Variants in SLC9A1 observed in about 807,000 individuals in gnomAD.
SLC9A1 encodes sodium/hydrogen exchanger 1.
Under a neutral mutation model 67.9 loss-of-function variants are expected in SLC9A1, and 22 were observed. That is an observed-to-expected ratio of 0.32 (90% CI 0.23 to 0.46). The LOEUF is 0.46. Among genes scored for constraint, SLC9A1 ranks in the 20% least tolerant of loss-of-function variants. SLC9A1 has a pLI of 1.00. For missense variants in SLC9A1, 686 were observed against 1,094.8 expected, an observed-to-expected ratio of 0.63 and a Z score of 5.27; for synonymous variants, 421 against 471.8, an observed-to-expected ratio of 0.89 and a Z score of 1.40.
intron 1 of SLC9A1, among the ~76,000 whole-genome samples, chr1:27,127,675 G>A (rs1051814527): frequency 6.6e-6 from 1 of 152,168 alleles, no homozygotes; most frequent in African/African-American, 2.4e-5. Flanking sequence ...GGGAGACAGC[G>A]CTGGCCACCC....
Position 27,137,744 on chromosome 1 carries a change from G to A in SLC9A1, c.352+16239C>T, listed in dbSNP as rs188418083. Reference sequence around the variant, plus strand: ...CAATGCCACGCCTCCCACATGACAGGTCTGGTGACTGTTTGCCTGCAGGCG... The same window carrying A: ...CAATGCCACGCCTCCCACATGACAGATCTGGTGACTGTTTGCCTGCAGGCG... On this transcript the variant is annotated intron_variant, in intron 1 of 11. Coordinates refer to ENST00000263980, the MANE Select transcript of SLC9A1 (RefSeq NM_003047.5). This position sits in a 1 kb window ranked among gnomAD's most constrained non-coding sequence, Gnocchi z 4.6. Among the ~76,000 whole-genome samples, 1 of 152,308 alleles carries A rather than the reference G, an allele frequency of 6.6e-6. No homozygotes were observed. Among genetic ancestry groups the A allele is most frequent in the Non-Finnish European group, 1.5e-5 (1 of 68,024 alleles).
At chr1:27,104,167 C>T (rs1307793989) in intron 5 of SLC9A1, 1 of 151,180 alleles carries the variant, frequency 6.6e-6, no homozygotes. Flanking sequence ...CTGCAACCTC[C>T]ACCTCCCGGG....
intron 2 of SLC9A1, among the ~76,000 whole-genome samples, chr1:27,112,623 C>T (rs772087724): frequency 2.1e-4 from 32 of 152,300 alleles, no homozygotes; most frequent in African/African-American, 5.5e-4. Flanking sequence ...GTGGCTCATG[C>T]CTGTAATCCC....
At chr1:27,140,691 C>T (rs2083448159) in intron 1 of SLC9A1, among the ~76,000 whole-genome samples, 1 of 152,194 alleles carries the variant, frequency 6.6e-6, no homozygotes, top group Non-Finnish European at 1.5e-5. Flanking sequence ...TTAAAACCAT[C>T]ATCTGTTCTG....
chr1:27,154,224 G>C lies in SLC9A1; in HGVS notation c.111C>G (p.Leu37=). The change falls in exon 1 of 12, where the codon CTC becomes CTG. Residue 37 remains leucine, a synonymous_variant. Transcript: ENST00000263980. ...TGGTGCTGGCAGTTGGGCTGAGCTGGAGGCCATGGCTCCTGAGAACAGGCA... is the reference window on the plus strand; with the variant it reads ...TGGTGCTGGCAGTTGGGCTGAGCTGCAGGCCATGGCTCCTGAGAACAGGCA... ...GLLPVLRSHG[L]QLSPTASTIR... is the part of the protein sequence containing the mutation. 1 of 1,614,096 alleles carries C rather than the reference G, an allele frequency of 6.2e-7. No individual in the cohort carries two copies. The highest frequency in any genetic ancestry group is 8.5e-7 in the Non-Finnish European group (1 of 1,179,982).
chr1:27,134,856 C>G (rs893621032), intron 1 of SLC9A1, among the ~76,000 whole-genome samples: 3 of 151,936 alleles, frequency 2.0e-5, no homozygotes, highest in African/African-American at 2.4e-5. Context: ...CCCACCTTGG[C>G]CTCCCAAGTA....
intron 1 of SLC9A1, 106 bp downstream of exon 1, chr1:27,153,877 G>A: frequency 1.4e-6 from 1 of 718,624 alleles, no homozygotes; most frequent in South Asian, 2.0e-5. Flanking sequence ...CTACTTTATG[G>A]GGGTAGTTCA....
rs938503174 is a variant in SLC9A1, at chr1:27,125,465, C to T, written c.353-11179G>A. Among the ~76,000 whole-genome samples the T allele has an allele frequency of 5.3e-5, 8 of 151,990 alleles. No individual in the cohort carries two copies. The East Asian group carries it at 7.7e-4, about 15-fold the overall frequency. ...TTCACCATGTTGGTGAGGCTGGTGT[C>T]GAACCCCTGGCCTCAAGTGATCTGC... On this transcript the variant is annotated intron_variant, in intron 1 of 11. Transcript: ENST00000263980.
In SLC9A1 at chr1:27,101,106, G is replaced by T; in HGVS notation, c.2110+97C>A. The T allele has an allele frequency of 1.1e-6, 1 of 935,338 alleles. No homozygotes were observed. 57.9% of individuals were successfully genotyped at this position (935,338 alleles called of 1,614,324 possible). On this transcript the variant is annotated intron_variant, in intron 11 of 11. Transcript: ENST00000263980. This position sits in a 1 kb window ranked among gnomAD's most constrained non-coding sequence, Gnocchi z 4.9. Reference sequence around the variant, plus strand: ...CCTGAGGTCAGCGAGGGCCAGGCCTGTCCTCCCAGTGGCTGAGGACTGTTC... The same window carrying T: ...CCTGAGGTCAGCGAGGGCCAGGCCTTTCCTCCCAGTGGCTGAGGACTGTTC...
chr1:27,117,663 C>G (rs1286817560), intron 1 of SLC9A1, among the ~76,000 whole-genome samples: 1 of 152,140 alleles, frequency 6.6e-6, no homozygotes, highest in Non-Finnish European at 1.5e-5. Context: ...GTGCTGGGAG[C>G]CTGGCACGCA....
At position 27,099,236 on chromosome 1, in the gene SLC9A1, C is replaced by T. The variant is rs985522053; in HGVS notation, c.*1071G>A. 13 of 153,178 alleles carry T rather than the reference C, an allele frequency of 8.5e-5. No homozygotes were observed. Among genetic ancestry groups the T allele is most frequent in the Non-Finnish European group, 1.9e-4 (13 of 68,602 alleles). The allele number at this position is 153,178 out of a possible 1,614,324, so 9.5% of individuals were successfully genotyped here. On this transcript the variant is annotated 3_prime_UTR_variant, in exon 12 of 12. Transcript: ENST00000263980. The stretch of plus-strand genomic sequence containing the variant: ...CAAGGGAAAGGTTCCAGGGGCCAAA[C>T]CCAGGGTGGGGGAAGTAAGAGCAGG...
chr1:27,139,445 AC>A (rs2083439851), intron 1 of SLC9A1, among the ~76,000 whole-genome samples: 1 of 152,174 alleles, frequency 6.6e-6, no homozygotes, highest in Non-Finnish European at 1.5e-5. Context: ...CATGACTCGC[AC>A]CCTTCGGGGC....
rs778829058 is a variant in SLC9A1, at chr1:27,113,993, C to T, written c.646G>A (p.Gly216Ser). Reference protein sequence around the residue: ...GLMYAVCLVGGEQINNIGLLD... With the variant: ...GLMYAVCLVGSEQINNIGLLD... ...AGGCCGATGTTGTTGATCTGCTCAC[C>T]GCCCACCAGGCACACGGCGTACATG... The change falls in exon 2 of 12, where the codon GGT becomes AGT. Residue 216 changes from glycine (G) to serine (S), a missense_variant. Transcript: ENST00000263980. The T allele has an allele frequency of 1.4e-5, 23 of 1,614,060 alleles. No homozygotes were observed. The highest frequency in any genetic ancestry group is 4.0e-5 in the African/African-American group (3 of 74,934).
intron 1 of SLC9A1, among the ~76,000 whole-genome samples, chr1:27,131,947 A>AAAAAAAAATATATATAT: frequency 4.0e-4 from 21 of 52,114 alleles, no homozygotes; most frequent in African/African-American, 1.2e-3. Context: ...AGAAAAAAAA[A>AAAAAAAAATATATATAT]ATATATATAT....
chr1:27,100,028 G>C lies in SLC9A1; in HGVS notation c.*279C>G. ...AGGAGCCTCCGAGGCCCTAGTCCAG[G>C]TCCGGGAGAAGCCTGGATCTAGGGA... On this transcript the variant is annotated 3_prime_UTR_variant, in exon 12 of 12. Coordinates refer to ENST00000263980, the MANE Select transcript of SLC9A1 (RefSeq NM_003047.5). This position sits in a 1 kb window ranked among gnomAD's most constrained non-coding sequence, Gnocchi z 5.6. 2.5e-6 allele frequency: 1 copy of C among 401,728 alleles called. No homozygotes were observed. Among genetic ancestry groups the C allele is most frequent in the Non-Finnish European group, 4.4e-6 (1 of 226,172 alleles). The allele number at this position is 401,728 out of a possible 1,614,324, so 24.9% of individuals were successfully genotyped here.
Position 27,107,763 on chromosome 1 carries a change from G to A in SLC9A1, c.1167C>T (p.Val389=), listed in dbSNP as rs1225769504. 1 of 1,602,884 alleles carries A rather than the reference G, an allele frequency of 6.2e-7. No individual in the cohort carries two copies. Among genetic ancestry groups the A allele is most frequent in the South Asian group, 1.1e-5 (1 of 88,552 alleles). The change falls in exon 4 of 12, where the codon GTC becomes GTT. Residue 389 remains valine (V), a synonymous_variant. Coordinates refer to ENST00000263980, the MANE Select transcript of SLC9A1 (RefSeq NM_003047.5). ...GGAAGATGAAGATGAGGGTCTCGCT[G>A]ACGCTGCTCCACATCTTCAGGAAGT... ...IKYFLKMWSS[V]SETLIFIFLG... is the part of the protein sequence containing the mutation.
At position 27,110,577 on chromosome 1, in the gene SLC9A1, C is replaced by T. The variant is rs140056349; in HGVS notation, c.814-800G>A. 1.4e-3 allele frequency among the ~76,000 whole-genome samples: 216 copies of T among 152,292 alleles called. 1 individual carries two copies. The highest frequency in any genetic ancestry group is 4.8e-3 in the African/African-American group (199 of 41,550). ...GTGGCACTTCATACACTGTAAAGCC[C>T]TTTGATAGTCTTTATCTGAGTCGAC... On this transcript the variant is annotated intron_variant, in intron 2 of 11. Coordinates refer to ENST00000263980, the MANE Select transcript of SLC9A1 (RefSeq NM_003047.5).
intron 1 of SLC9A1, among the ~76,000 whole-genome samples, chr1:27,136,444 C>A (rs1003524339): frequency 1.3e-5 from 2 of 152,234 alleles, no homozygotes. Flanking sequence ...GGCCACACTG[C>A]CTCACACTTT....
intron 1 of SLC9A1, among the ~76,000 whole-genome samples, chr1:27,125,237 CTTTTTTTTTTTTTTT>C (rs71010327): frequency 1.0e-4 from 9 of 86,888 alleles, no homozygotes; most frequent in African/African-American, 4.3e-4. Flanking sequence ...CCTTTTCTTT[CTTTTTTTTTTTTTTT>C]TTTTTTTTTT....
Sources: allele counts gnomAD v4.1 joint callset (sites outside exome capture counted in the v4.1 genomes callset), GRCh38; gene constraint gnomAD v4.1.1; non-coding constraint Gnocchi (gnomAD v3.1); transcripts MANE v1.5; gene names NCBI Gene and HGNC (gene_info 2026-07-23, HGNC 2026-07-21).